IQGAP1: variants seen among roughly 807,000 people sequenced by gnomAD.
The protein encoded by IQGAP1 is IQ motif containing GTPase activating protein 1.
Under a neutral mutation model 215.6 loss-of-function variants are expected in IQGAP1, and 66 were observed. The ratio of observed to expected loss-of-function variants is 0.31; its 90% confidence interval spans 0.25 to 0.38. The LOEUF is 0.38. Among genes scored for constraint, IQGAP1 ranks in the 10% least tolerant of loss-of-function variants. The pLI, the probability that IQGAP1 is intolerant of heterozygous loss-of-function variation, is 1.00. For missense variants in IQGAP1, 1,712 were observed against 1,997.1 expected, an observed-to-expected ratio of 0.86 and a Z score of 2.72; for synonymous variants, 772 against 728.7, an observed-to-expected ratio of 1.06 and a Z score of -0.96.
chr15:90,397,510 C>CTTTTT lies in IQGAP1; in HGVS notation c.155+6657_155+6661dup, dbSNP rs892748490. 4.2e-4 allele frequency among the ~76,000 whole-genome samples: 45 copies of CTTTTT among 106,372 alleles called. 1 individual carries two copies. Among genetic ancestry groups the CTTTTT allele is most frequent in the African/African-American group, 7.1e-4 (18 of 25,308 alleles). The allele number at this position is 106,372 out of a possible 152,430, so 69.8% of individuals were successfully genotyped here. On this transcript the variant is annotated intron_variant, in intron 2 of 37. Coordinates refer to ENST00000268182, the MANE Select transcript of IQGAP1 (RefSeq NM_003870.4). Reference sequence around the variant, plus strand: ...TGAAATACAGTAGGCACTCAACAAACTTTTTTTTTTTTTTTTTTTTTTTTG... The same window carrying CTTTTT: ...TGAAATACAGTAGGCACTCAACAAACTTTTTTTTTTTTTTTTTTTTTTTTTTTTTG...
chr15:90,420,462 G>T (rs367827679), intron 2 of IQGAP1, among the ~76,000 whole-genome samples: 2 of 152,164 alleles, frequency 1.3e-5, no homozygotes, highest in South Asian at 4.1e-4. Flanking sequence ...GACTACTGGA[G>T]TCCAGAAATG....
chr15:90,449,668 G>A, intron 11 of IQGAP1, 25 bp downstream of exon 11: 1 of 1,581,310 alleles, frequency 6.3e-7, no homozygotes, highest in Non-Finnish European at 8.6e-7. Context: ...AAATTGTATG[G>A]GAGGAAAGTT....
intron 29 of IQGAP1, 138 bp from the exon 30 acceptor site, chr15:90,484,082 A>T: frequency 1.3e-6 from 1 of 742,278 alleles, no homozygotes; most frequent in Non-Finnish European, 2.3e-6. Flanking sequence ...AGCACAGCAA[A>T]CACACAGCAC....
chr15:90,449,768 A>G, intron 11 of IQGAP1, 125 bp downstream of exon 11: 5 of 669,018 alleles, frequency 7.5e-6, no homozygotes, highest in East Asian at 3.1e-5. Context: ...ACTGCCAGGT[A>G]CTTTTGGTGG....
At chr15:90,451,621 T>C (rs1272608137) in intron 11 of IQGAP1, among the ~76,000 whole-genome samples, 2 of 151,870 alleles carry the variant, frequency 1.3e-5, no homozygotes, top group Non-Finnish European at 2.9e-5. Context: ...GGATCAAGTT[T>C]CTTCTTTTTT....
chr15:90,430,252 A>G (rs1444466203), intron 4 of IQGAP1, among the ~76,000 whole-genome samples: 2 of 152,118 alleles, frequency 1.3e-5, no homozygotes, highest in Non-Finnish European at 2.9e-5. Context: ...TCCTGTCTGA[A>G]TCTATAACTG....
At chr15:90,388,763 G>A (rs1964590572) in intron 1 of IQGAP1, among the ~76,000 whole-genome samples, 2 of 152,336 alleles carry the variant, frequency 1.3e-5, no homozygotes, top group Middle Eastern at 6.8e-3. Flanking sequence ...GGGTACGCGG[G>A]CTCTGCCCGT....
intron 2 of IQGAP1, among the ~76,000 whole-genome samples, chr15:90,412,442 C>T (rs552362050): frequency 6.6e-6 from 1 of 152,222 alleles, no homozygotes; most frequent in East Asian, 1.9e-4. Context: ...TCTTTAATTC[C>T]TGTGTAAATC....
chr15:90,431,815 A>G (rs1240298494), intron 4 of IQGAP1, among the ~76,000 whole-genome samples: 1 of 152,196 alleles, frequency 6.6e-6, no homozygotes, highest in Non-Finnish European at 1.5e-5. Context: ...TGTCTTTTCT[A>G]ATCTCTTTAT....
chr15:90,441,386 G>A lies in IQGAP1; in HGVS notation c.650-120G>A, dbSNP rs937516049. ...TTCGAACCCCAGTTGTTATTTCTCT[G>A]TGAAAAGGAGCCTCTGTCTCTAATG... On this transcript the variant is annotated intron_variant, in intron 7 of 37. Transcript: ENST00000268182. The A allele has an allele frequency of 4.8e-6, 4 of 840,186 alleles. No homozygotes were observed. The South Asian group carries it at 5.7e-5, about 12-fold the overall frequency. The allele number at this position is 840,186 out of a possible 1,614,324, so 52.0% of individuals were successfully genotyped here.
At chr15:90,475,853 C>G (rs1250284429) in intron 23 of IQGAP1, 2 of 151,792 alleles carry the variant, frequency 1.3e-5, no homozygotes, top group East Asian at 3.9e-4. Context: ...CTAATTTCAC[C>G]TACCCCAGTC....
intron 2 of IQGAP1, among the ~76,000 whole-genome samples, chr15:90,415,159 G>A (rs765722620): frequency 3.3e-5 from 5 of 152,006 alleles, no homozygotes; most frequent in Non-Finnish European, 7.4e-5. Context: ...ACTTTACTTT[G>A]TATTTCTTTG....
At chr15:90,486,918 A>C in intron 31 of IQGAP1, 36 bp from the exon 32 acceptor site, 1 of 1,603,214 alleles carries the variant, frequency 6.2e-7, no homozygotes, top group Admixed American at 1.7e-5. Context: ...TCCTCTCTTT[A>C]TTACGCTGAC....
intron 9 of IQGAP1, among the ~76,000 whole-genome samples, chr15:90,447,925 C>T (rs1965547487): frequency 6.6e-6 from 1 of 151,906 alleles, no homozygotes. Context: ...GGAAGATGAC[C>T]CCTTTCACTC....
At position 90,433,743 on chromosome 15, in the gene IQGAP1, A is replaced by G. The variant is rs540046631; in HGVS notation, c.415A>G (p.Ile139Val). 8.4e-5 allele frequency: 135 copies of G among 1,605,996 alleles called. 3 individuals are homozygous for G. The South Asian group carries it at 1.2e-3, about 14-fold the overall frequency. Residue 139 changes from isoleucine to valine, a missense_variant, in exon 5 of 38, where the codon ATC (isoleucine) becomes GTC (valine). Physicochemically the swap from Ile to Val is conservative, Grantham distance 29. Coordinates refer to ENST00000268182, the MANE Select transcript of IQGAP1 (RefSeq NM_003870.4). ...GATTTTTTACCCAGAAACTACAGAT[A>G]TCTATGATCGAAAGAACATGCCAAG... ...PKIFYPETTD[I>V]YDRKNMPRCI...
rs73482579 is a variant in IQGAP1 at position 90,445,300 on chromosome 15, T to C, written c.913+1822T>C. Reference sequence around the variant, plus strand: ...TGTAAATTGCCTGCTATTTAGTAAGTACTCAATGAACATTAATATTATCGC... The same window carrying C: ...TGTAAATTGCCTGCTATTTAGTAAGCACTCAATGAACATTAATATTATCGC... On this transcript the variant is annotated intron_variant, in intron 9 of 37. Transcript: ENST00000268182. Among the ~76,000 whole-genome samples the C allele has an allele frequency of 7.3e-3, 1,112 of 152,114 alleles. 14 individuals carry two copies. Among genetic ancestry groups the C allele is most frequent in the African/African-American group, 0.026 (1,085 of 41,500 alleles).
Position 90,500,279 on chromosome 15 carries a change from T to C in IQGAP1, c.*171T>C, listed in dbSNP as rs541603343. 19 of 557,180 alleles carry C rather than the reference T, an allele frequency of 3.4e-5. No homozygotes were observed. Among genetic ancestry groups the C allele is most frequent in the Admixed American group, 6.1e-5 (2 of 32,906 alleles). 34.5% of individuals were successfully genotyped at this position (557,180 alleles called of 1,614,324 possible). On this transcript the variant is annotated 3_prime_UTR_variant, in exon 38 of 38. Coordinates refer to ENST00000268182, the MANE Select transcript of IQGAP1 (RefSeq NM_003870.4). ...CCTCTCGCTCTGATGGGACATTTGT[T>C]ACCCTTTTTTCATAGTGAAATTGTG...
chr15:90,395,572 G>A (rs1964706289), intron 2 of IQGAP1, among the ~76,000 whole-genome samples: 1 of 152,170 alleles, frequency 6.6e-6, no homozygotes, highest in African/African-American at 2.4e-5. Context: ...CGCCCGCCTT[G>A]GCCTCCCACA....
At chr15:90,453,434 A>C (rs1167249374) in intron 13 of IQGAP1, 142 bp downstream of exon 13, 1 of 610,044 alleles carries the variant, frequency 1.6e-6, no homozygotes, top group African/African-American at 1.9e-5. Flanking sequence ...GATTCACTTA[A>C]TTCTTTGTTA....
Sources: gnomAD v4.1 joint callset for allele counts (sites outside exome capture counted in the v4.1 genomes callset) on GRCh38, gnomAD v4.1.1 for gene constraint, MANE v1.5 for transcripts, NCBI Gene and HGNC (gene_info 2026-07-23, HGNC 2026-07-21) for gene names.